The following NAALADL2 variants were observed in gnomAD, a reference collection of about 807,000 sequenced individuals.
NAALADL2 encodes the protein N-acetylated alpha-linked acidic dipeptidase like 2.
NAALADL2 carries 76 observed loss-of-function variants against 87.2 expected under a neutral mutation model. That is an observed-to-expected ratio of 0.87 (90% CI 0.72 to 1.05). The LOEUF (loss-of-function observed/expected upper bound fraction) is 1.05, where lower values mean the gene tolerates loss of function less well. NAALADL2 is among the 50% of genes least tolerant of loss of function. NAALADL2 has a pLI of 0.00. For missense variants in NAALADL2, 1,089 were observed against 945.8 expected, an observed-to-expected ratio of 1.15 and a Z score of -1.99; for synonymous variants, 354 against 331.0, an observed-to-expected ratio of 1.07 and a Z score of -0.75.
At chr3:174,541,517 A>C (rs899233056) in intron 1 of NAALADL2, among the ~76,000 whole-genome samples, 4 of 152,146 alleles carry the variant, frequency 2.6e-5, no homozygotes, top group Non-Finnish European at 5.9e-5. Flanking sequence ...AATAAATTGA[A>C]CGTGGGTTAA....
intron 2 of NAALADL2, among the ~76,000 whole-genome samples, chr3:174,700,454 G>A (rs559867764): frequency 2.2e-4 from 33 of 152,046 alleles, no homozygotes; most frequent in African/African-American, 5.8e-4. Context: ...AAAGCTAACC[G>A]TTTAAAATCA....
intron 5 of NAALADL2, among the ~76,000 whole-genome samples, chr3:175,355,679 TAAC>T (rs1184101323): frequency 1.3e-5 from 2 of 152,304 alleles, no homozygotes; most frequent in East Asian, 3.9e-4. Flanking sequence ...ATGATAATAA[TAAC>T]AATAACAATA....
intron 5 of NAALADL2, among the ~76,000 whole-genome samples, chr3:175,431,602 G>T (rs7613838): frequency 1.3e-5 from 2 of 151,870 alleles, no homozygotes; most frequent in Admixed American, 6.6e-5. Flanking sequence ...TTTGCAAAGC[G>T]TTCCAAAAAC....
chr3:175,262,999 CAA>C (rs71626206), intron 4 of NAALADL2, among the ~76,000 whole-genome samples: 55 of 128,922 alleles, frequency 4.3e-4, no homozygotes, highest in South Asian at 1.6e-3. Flanking sequence ...GAAGTAATTG[CAA>C]AAAAAAAAAA....
chr3:174,672,899 A>G (rs1442833017), intron 2 of NAALADL2, among the ~76,000 whole-genome samples: 2 of 98,374 alleles, frequency 2.0e-5, no homozygotes, highest in African/African-American at 8.6e-5. Context: ...AGGCCATTAT[A>G]AAGATTGTGG....
chr3:174,970,862 G>T (rs547088128), intron 1 of NAALADL2, among the ~76,000 whole-genome samples: 1 of 152,244 alleles, frequency 6.6e-6, no homozygotes, highest in Non-Finnish European at 1.5e-5. Context: ...CAGGCAATTT[G>T]AAATTATACA....
intron 11 of NAALADL2, among the ~76,000 whole-genome samples, chr3:175,653,551 A>T (rs78686036): frequency 0.093 from 14,226 of 152,174 alleles, 860 homozygotes; most frequent in Non-Finnish European, 0.14. Context: ...ATGTATTTGT[A>T]AGCCCTTCAC....
intron 3 of NAALADL2, among the ~76,000 whole-genome samples, chr3:174,763,800 C>A (rs548533575): frequency 1.9e-4 from 28 of 145,330 alleles, no homozygotes; most frequent in Non-Finnish European, 3.9e-4. Flanking sequence ...GTTTTCTTTT[C>A]TGGTTAGAAA....
intron 5 of NAALADL2, among the ~76,000 whole-genome samples, chr3:175,421,586 G>T (rs1318988872): frequency 6.6e-6 from 1 of 152,026 alleles, no homozygotes; most frequent in Non-Finnish European, 1.5e-5. Flanking sequence ...TGTTACAGAG[G>T]AGTACACAGA....
Position 175,261,182 on chromosome 3 carries a change from C to T in NAALADL2, c.939+4652C>T, listed in dbSNP as rs1750966715. Among the ~76,000 whole-genome samples the T allele has an allele frequency of 2.0e-5, 3 of 152,098 alleles. No homozygotes were observed. In the South Asian group the frequency reaches 6.2e-4, roughly 32 times the overall value. Reference sequence around the variant, plus strand: ...AACTTTTAGACAAACATTAATTCGTCACAATGTACTCACATTTCTCTCAGT... The same window carrying T: ...AACTTTTAGACAAACATTAATTCGTTACAATGTACTCACATTTCTCTCAGT... On this transcript the variant is annotated intron_variant, in intron 4 of 13. Transcript: ENST00000454872.
At chr3:174,688,899 A>G (rs1728291947) in intron 2 of NAALADL2, among the ~76,000 whole-genome samples, 1 of 152,058 alleles carries the variant, frequency 6.6e-6, no homozygotes, top group Non-Finnish European at 1.5e-5. Context: ...CCAAAAAATT[A>G]ATTTTGGAGT....
chr3:175,643,034 G>A (rs1436815226), intron 11 of NAALADL2, among the ~76,000 whole-genome samples: 1 of 152,112 alleles, frequency 6.6e-6, no homozygotes, highest in Non-Finnish European at 1.5e-5. Context: ...AAAAGAAAAA[G>A]AGTCACAATA....
intron 9 of NAALADL2, among the ~76,000 whole-genome samples, chr3:175,496,319 C>T (rs934538928): frequency 6.6e-6 from 1 of 151,770 alleles, no homozygotes; most frequent in East Asian, 1.9e-4. Flanking sequence ...TTTATCATGT[C>T]TTTTAATTTA....
At chr3:174,767,279 A>G (rs1713934683) in intron 3 of NAALADL2, among the ~76,000 whole-genome samples, 1 of 152,178 alleles carries the variant, frequency 6.6e-6, no homozygotes, top group Non-Finnish European at 1.5e-5. Context: ...AAATCTTCCT[A>G]TATCCTGTTA....
chr3:174,570,405 G>A (rs1399575959), intron 2 of NAALADL2, among the ~76,000 whole-genome samples: 1 of 151,936 alleles, frequency 6.6e-6, no homozygotes, highest in African/African-American at 2.4e-5. Context: ...AAATAAATAG[G>A]ACATTACAGG....
intron 9 of NAALADL2, among the ~76,000 whole-genome samples, chr3:175,496,382 TA>T (rs1182734087): frequency 3.3e-5 from 5 of 151,180 alleles, no homozygotes; most frequent in Non-Finnish European, 5.9e-5. Context: ...TTTTTTATTT[TA>T]AAAAAATAAA....
At chr3:174,498,636 A>AT (rs926995412) in intron 1 of NAALADL2, among the ~76,000 whole-genome samples, 34 of 150,170 alleles carry the variant, frequency 2.3e-4, no homozygotes, top group African/African-American at 7.1e-4. Context: ...ATATATATAT[A>AT]ATATATATGT....
At chr3:175,394,748 G>GTCAA (rs1769543316) in intron 5 of NAALADL2, among the ~76,000 whole-genome samples, 1 of 152,294 alleles carries the variant, frequency 6.6e-6, no homozygotes, top group African/African-American at 2.4e-5. Context: ...CGCCATTACA[G>GTCAA]TCAATCAGCA....
At chr3:175,229,379 A>C (rs1744616403) in intron 2 of NAALADL2, among the ~76,000 whole-genome samples, 1 of 152,034 alleles carries the variant, frequency 6.6e-6, no homozygotes, top group Non-Finnish European at 1.5e-5. Context: ...GTATTCCACT[A>C]CACCAGCAAT....
Sources: allele counts gnomAD v4.1 joint callset (sites outside exome capture counted in the v4.1 genomes callset), GRCh38; gene constraint gnomAD v4.1.1; transcripts MANE v1.5; gene names NCBI Gene and HGNC (gene_info 2026-07-23, HGNC 2026-07-21).